TG: variants seen among roughly 807,000 people sequenced by gnomAD.
The protein encoded by TG is thyroid hormones.
In TG, 270 loss-of-function variants were observed where a neutral mutation model predicts 324.7. That is an observed-to-expected ratio of 0.83 (90% CI 0.75 to 0.92). The LOEUF (loss-of-function observed/expected upper bound fraction) is 0.92. TG is among the 40% of genes least tolerant of loss of function. TG has a pLI of 0.00. For synonymous variants in TG, 1,401 were observed against 1,327.0 expected (o/e 1.06, Z -1.21); for missense variants, 3,591 against 3,456.4 (o/e 1.04, Z -0.98).
At chr8:133,002,300 A>G (rs2130837724) in intron 35 of TG, 1 of 985,386 alleles carries the variant, frequency 1.0e-6, no homozygotes, top group Middle Eastern at 5.2e-4. Flanking sequence ...TTTTTGGGCA[A>G]TTTTTAATGT....
chr8:132,872,217 G>A (rs1342073705), intron 4 of TG, among the ~76,000 whole-genome samples: 1 of 151,878 alleles, frequency 6.6e-6, no homozygotes, highest in South Asian at 2.1e-4. Context: ...GGTGGCTCAC[G>A]CCTGTAATCC....
intron 8 of TG, among the ~76,000 whole-genome samples, chr8:132,884,355 T>C (rs1815093703): frequency 6.6e-6 from 1 of 152,172 alleles, no homozygotes; most frequent in Admixed American, 6.5e-5. Flanking sequence ...TTGAAGGATG[T>C]TATGATGAGG....
chr8:132,988,977 G>T, intron 35 of TG: 1 of 839,680 alleles, frequency 1.2e-6, no homozygotes, highest in South Asian at 5.4e-5. Context: ...GGTTTAATTG[G>T]ACTCACAGCT....
chr8:133,003,773 C>T (rs1833779884), intron 35 of TG, among the ~76,000 whole-genome samples: 1 of 152,126 alleles, frequency 6.6e-6, no homozygotes, highest in Non-Finnish European at 1.5e-5. Flanking sequence ...CCCCATCATC[C>T]CTCCCAGACC....
At chr8:132,987,590 G>A (rs1831725547) in intron 35 of TG, among the ~76,000 whole-genome samples, 1 of 152,144 alleles carries the variant, frequency 6.6e-6, no homozygotes, top group African/African-American at 2.4e-5. Context: ...CATCTGTATG[G>A]ACCCTTTCAG....
At position 132,958,846 on chromosome 8, in the gene TG, C is replaced by T. The variant is rs117879918; in HGVS notation, c.5402-2162C>T. 7.4e-4 allele frequency among the ~76,000 whole-genome samples: 112 copies of T among 152,236 alleles called. 2 individuals are homozygous for T. The East Asian group carries it at 0.012, about 16-fold the overall frequency. On this transcript the variant is annotated intron_variant, in intron 27 of 47. Coordinates refer to ENST00000220616, the MANE Select transcript of TG (RefSeq NM_003235.5). ...AAACGGAACACAAACTGAGCAGGTG[C>T]GCAACCACTGGTTCTGTGTTGTTGC...
At chr8:132,972,371 T>C (rs1587638303) in intron 33 of TG, 3 of 587,356 alleles carry the variant, frequency 5.1e-6, no homozygotes, top group Non-Finnish European at 9.0e-6. Flanking sequence ...CCTAAGCACA[T>C]GTTAGGTGCT....
chr8:133,017,675 C>T (rs773028134), intron 37 of TG, 103 bp from the exon 38 acceptor site: 66 of 1,141,066 alleles, frequency 5.8e-5, no homozygotes, highest in African/African-American at 7.6e-5. Context: ...GTGCAAAAAC[C>T]GTGATTTTTC....
intron 41 of TG, among the ~76,000 whole-genome samples, chr8:133,051,342 A>G (rs1185547436): frequency 6.6e-6 from 1 of 152,200 alleles, no homozygotes; most frequent in Non-Finnish European, 1.5e-5. Context: ...AAGTTGCTGT[A>G]AAAACCCCCC....
chr8:132,928,692 G>A (rs1036105269), intron 22 of TG, among the ~76,000 whole-genome samples: 1 of 152,062 alleles, frequency 6.6e-6, no homozygotes, highest in African/African-American at 2.4e-5. Flanking sequence ...ATTTCGGAAA[G>A]AATTCAAGTT....
intron 21 of TG, among the ~76,000 whole-genome samples, chr8:132,921,205 A>G (rs896720688): frequency 2.6e-5 from 4 of 152,230 alleles, no homozygotes; most frequent in African/African-American, 4.8e-5. Flanking sequence ...GAGCTTCCAT[A>G]TATAAGTTTG....
intron 43 of TG, among the ~76,000 whole-genome samples, chr8:133,104,843 G>T (rs1004485158): frequency 6.6e-5 from 10 of 152,146 alleles, no homozygotes; most frequent in African/African-American, 2.4e-4. Flanking sequence ...CTCTCCACTG[G>T]ATGCAAACGG....
chr8:133,085,467 C>A (rs189270808), intron 41 of TG, among the ~76,000 whole-genome samples: 3 of 152,136 alleles, frequency 2.0e-5, no homozygotes, highest in Non-Finnish European at 2.9e-5. Context: ...TAATAAGGGA[C>A]TTGTACCAAG....
chr8:133,040,956 A>G (rs2131085202), intron 41 of TG, among the ~76,000 whole-genome samples: 1 of 151,692 alleles, frequency 6.6e-6, no homozygotes, highest in Non-Finnish European at 1.5e-5. Flanking sequence ...AAAATGTCTG[A>G]CTCTCAGGAT....
chr8:133,107,527 C>T (rs966874598), intron 43 of TG, among the ~76,000 whole-genome samples: 1 of 152,208 alleles, frequency 6.6e-6, no homozygotes, highest in Non-Finnish European at 1.5e-5. Flanking sequence ...CGCCTGCTGA[C>T]TCTCTAATTA....
intron 41 of TG, among the ~76,000 whole-genome samples, chr8:133,086,550 TG>T (rs1846592493): frequency 6.6e-6 from 1 of 152,114 alleles, no homozygotes; most frequent in Non-Finnish European, 1.5e-5. Flanking sequence ...ATCTTTTTGA[TG>T]AAAAAAAACT....
At chr8:132,947,272 C>A (rs1196572879) in intron 26 of TG, among the ~76,000 whole-genome samples, 3 of 152,192 alleles carry the variant, frequency 2.0e-5, no homozygotes, top group Non-Finnish European at 4.4e-5. Context: ...GCCCCATACA[C>A]GTGACCTACC....
At chr8:133,041,059 T>C (rs1838128732) in intron 41 of TG, among the ~76,000 whole-genome samples, 1 of 152,210 alleles carries the variant, frequency 6.6e-6, no homozygotes, top group Admixed American at 6.5e-5. Flanking sequence ...TTGATTCTGC[T>C]GTACTCAGCC....
At chr8:132,996,580 G>A (rs543453114) in intron 35 of TG, among the ~76,000 whole-genome samples, 334 of 152,232 alleles carry the variant, frequency 2.2e-3, no homozygotes, top group Non-Finnish European at 3.2e-3. Flanking sequence ...GAGAATCAGT[G>A]AAACTAAAGC....
Sources: allele counts gnomAD v4.1 joint callset (sites outside exome capture counted in the v4.1 genomes callset), GRCh38; gene constraint gnomAD v4.1.1; transcripts MANE v1.5; gene names NCBI Gene and HGNC (gene_info 2026-07-23, HGNC 2026-07-21).